ADAMTS6: variants seen among roughly 807,000 people sequenced by gnomAD.
ADAMTS6 encodes ADAM metallopeptidase with thrombospondin type 1 motif 6, also known as A disintegrin and metalloproteinase with thrombospondin motifs 6.
ADAMTS6 carries 23 observed loss-of-function variants against 144.3 expected under a neutral mutation model. The observed-to-expected ratio is 0.16, with a 90% CI of 0.11 to 0.23. ADAMTS6 has a LOEUF of 0.23. Ranked by LOEUF, ADAMTS6 falls within the 10% of genes least tolerant of loss-of-function variation. ADAMTS6 has a pLI of 1.00. For synonymous variants in ADAMTS6, 444 were observed against 457.5 expected, an observed-to-expected ratio of 0.97 and a Z score of 0.38; for missense variants, 999 against 1,379.6, an observed-to-expected ratio of 0.72 and a Z score of 4.37.
chr5:65,451,501 G>T lies in ADAMTS6; in HGVS notation c.1047C>A (p.His349Gln), dbSNP rs770591754. The stretch of plus-strand genomic sequence containing the variant: ...TAGTAATAAGAACTGCATTATCGTG[G>T]TGGGCAATCCCATTTTCTGGAATGG... ...GNTIPENGIA[H>Q]HDNAVLITRY... is the part of the protein sequence containing the mutation. Residue 349 changes from histidine to glutamine, a missense_variant, in exon 7 of 25, where the codon CAC (histidine) becomes CAA (glutamine). Transcript: ENST00000381055. The T allele has an allele frequency of 6.2e-7, 1 of 1,613,684 alleles. No homozygotes were observed. Among genetic ancestry groups the T allele is most frequent in the East Asian group, 2.2e-5 (1 of 44,822 alleles).
At chr5:65,191,093 C>T (rs1199200214) in intron 21 of ADAMTS6, among the ~76,000 whole-genome samples, 1 of 152,096 alleles carries the variant, frequency 6.6e-6, no homozygotes, top group Non-Finnish European at 1.5e-5. Context: ...ATTGCCGAAT[C>T]GTTATAGCTG....
chr5:65,161,136 T>C (rs1399219671), intron 24 of ADAMTS6, among the ~76,000 whole-genome samples: 1 of 151,992 alleles, frequency 6.6e-6, no homozygotes, highest in Non-Finnish European at 1.5e-5. Context: ...CCTCCCAAAC[T>C]CAAGTGATCC....
chr5:65,401,521 T>C (rs964026771), intron 7 of ADAMTS6, among the ~76,000 whole-genome samples: 1 of 152,212 alleles, frequency 6.6e-6, no homozygotes, highest in Admixed American at 6.5e-5. Context: ...GTCAAGCTCC[T>C]ACAGGTACAA....
intron 12 of ADAMTS6, among the ~76,000 whole-genome samples, chr5:65,265,597 A>G (rs984785218): frequency 6.6e-6 from 1 of 151,974 alleles, no homozygotes; most frequent in Non-Finnish European, 1.5e-5. Flanking sequence ...CCTGTCTGCA[A>G]TTAATGAGAA....
At chr5:65,259,747 G>A (rs985741259) in intron 14 of ADAMTS6, among the ~76,000 whole-genome samples, 1 of 151,904 alleles carries the variant, frequency 6.6e-6, no homozygotes, top group African/African-American at 2.4e-5. Context: ...TGGTTTGTTT[G>A]TTTACAGATA....
intron 10 of ADAMTS6, among the ~76,000 whole-genome samples, chr5:65,296,318 T>G (rs1295352800): frequency 6.6e-6 from 1 of 152,180 alleles, no homozygotes; most frequent in Non-Finnish European, 1.5e-5. Flanking sequence ...GCTTTGTCAG[T>G]CTTCTCAATG....
Position 65,324,133 on chromosome 5 carries a change from A to T in ADAMTS6, c.1223+5245T>A, listed in dbSNP as rs569090812. On this transcript the variant is annotated intron_variant, in intron 9 of 24. Transcript: ENST00000381055. ...AGCTCTTTAGTTTAATTATATCCCAATTGTCAATTTTGGCTTTTGTTGCCA... is the reference window on the plus strand; with the variant it reads ...AGCTCTTTAGTTTAATTATATCCCATTTGTCAATTTTGGCTTTTGTTGCCA... 4.6e-5 allele frequency among the ~76,000 whole-genome samples: 7 copies of T among 152,090 alleles called. No homozygotes were observed. The East Asian group carries it at 5.8e-4, about 13-fold the overall frequency.
At chr5:65,158,196 A>G (rs1486526274) in intron 24 of ADAMTS6, among the ~76,000 whole-genome samples, 1 of 152,194 alleles carries the variant, frequency 6.6e-6, no homozygotes, top group Admixed American at 6.5e-5. Context: ...CCTTCAAATG[A>G]CCTTTATCGT....
chr5:65,470,767 C>A lies in ADAMTS6; in HGVS notation c.462+11G>T, dbSNP rs1760375747. 1.3e-6 allele frequency: 2 copies of A among 1,532,498 alleles called. No individual in the cohort carries two copies. Among genetic ancestry groups the A allele is most frequent in the African/African-American group, 1.4e-5 (1 of 69,784 alleles). 94.9% of individuals were successfully genotyped at this position (1,532,498 alleles called of 1,614,324 possible). On this transcript the variant is annotated intron_variant, in intron 3 of 24. Coordinates refer to ENST00000381055, the MANE Select transcript of ADAMTS6 (RefSeq NM_197941.4). ...TCCCATCAGAAGTTTAAAATTATAGCATCTACTTACCAACCCAACACAGTT... is the reference window on the plus strand; with the variant it reads ...TCCCATCAGAAGTTTAAAATTATAGAATCTACTTACCAACCCAACACAGTT...
chr5:65,309,995 G>A (rs1744332476), intron 9 of ADAMTS6, among the ~76,000 whole-genome samples: 1 of 152,092 alleles, frequency 6.6e-6, no homozygotes, highest in Non-Finnish European at 1.5e-5. Context: ...CAGGTGGGGT[G>A]TGTTGGGAGG....
At chr5:65,342,283 G>A (rs569826417) in intron 7 of ADAMTS6, among the ~76,000 whole-genome samples, 1 of 152,264 alleles carries the variant, frequency 6.6e-6, no homozygotes, top group East Asian at 1.9e-4. Context: ...TGTGGCTGGG[G>A]AGGCCTCACA....
intron 7 of ADAMTS6, among the ~76,000 whole-genome samples, chr5:65,439,713 G>A (rs6876189): frequency 0.61 from 92,533 of 152,022 alleles, 30,002 homozygotes; most frequent in African/African-American, 0.84. Context: ...TAAAATTTGA[G>A]TATGAACTGA....
intron 7 of ADAMTS6, among the ~76,000 whole-genome samples, chr5:65,422,760 AATTT>A (rs1466538614): frequency 6.6e-6 from 1 of 152,220 alleles, no homozygotes; most frequent in Non-Finnish European, 1.5e-5. Flanking sequence ...ACTAAAAATA[AATTT>A]ATTATTTGAT....
intron 1 of ADAMTS6, among the ~76,000 whole-genome samples, chr5:65,476,542 C>T (rs766764429): frequency 3.3e-5 from 5 of 152,208 alleles, no homozygotes; most frequent in Non-Finnish European, 7.3e-5. Flanking sequence ...TGTATTATAT[C>T]ACACTTCCAG....
rs1034773915 is a variant in ADAMTS6, at chr5:65,373,831, T to C, written c.1074-39746A>G. On this transcript the variant is annotated intron_variant, in intron 7 of 24. Transcript: ENST00000381055. ...AAAAGAGAATTTTAGACCAATATCC[T>C]TGATGAACATTGATGCAAAAATCCT... Among the ~76,000 whole-genome samples the C allele has an allele frequency of 3.2e-4, 49 of 151,920 alleles. 3 individuals are homozygous for C. The highest frequency in any genetic ancestry group is 7.4e-5 in the Non-Finnish European group (5 of 67,900).
At chr5:65,406,100 A>T (rs1754450335) in intron 7 of ADAMTS6, among the ~76,000 whole-genome samples, 1 of 152,276 alleles carries the variant, frequency 6.6e-6, no homozygotes, top group Non-Finnish European at 1.5e-5. Flanking sequence ...AAAAAGGGAC[A>T]ATTTGACTTC....
intron 11 of ADAMTS6, among the ~76,000 whole-genome samples, chr5:65,282,976 G>A (rs1043111508): frequency 2.6e-5 from 4 of 152,024 alleles, no homozygotes; most frequent in African/African-American, 9.7e-5. Context: ...AGAGACATGC[G>A]CACACTTTTG....
At chr5:65,219,913 T>C (rs930129525) in intron 18 of ADAMTS6, among the ~76,000 whole-genome samples, 2 of 152,266 alleles carry the variant, frequency 1.3e-5, no homozygotes, top group Non-Finnish European at 2.9e-5. Flanking sequence ...AAATCCACAA[T>C]TCTAATGGGA....
chr5:65,262,847 G>A lies in ADAMTS6; in HGVS notation c.1736C>T (p.Ser579Phe). The A allele has an allele frequency of 3.2e-6, 5 of 1,570,336 alleles. No individual in the cohort carries two copies. The highest frequency in any genetic ancestry group is 4.3e-6 in the Non-Finnish European group (5 of 1,162,570). Residue 579 changes from serine to phenylalanine, a missense_variant, in exon 13 of 25, where the codon TCC becomes TTC. Around this residue, in one of 3 missense-constraint regions of ADAMTS6, gnomAD observed 619 missense variants for 837.0 expected, o/e 0.74. Coordinates refer to ENST00000381055, the MANE Select transcript of ADAMTS6 (RefSeq NM_197941.4). The stretch of plus-strand genomic sequence containing the variant: ...ACTGTCACAGTGTCTTAGGGATGAG[G>A]AGACGCCTCCCCCGCAGGTCCTGCT... Reference protein sequence around the residue: ...ECSRTCGGGVSSSLRHCDSPA... With the variant: ...ECSRTCGGGVFSSLRHCDSPA...
Sources: allele counts gnomAD v4.1 joint callset (sites outside exome capture counted in the v4.1 genomes callset), GRCh38; gene constraint gnomAD v4.1.1; regional missense constraint gnomAD v4.1.1; transcripts MANE v1.5; gene names NCBI Gene and HGNC (gene_info 2026-07-23, HGNC 2026-07-21).